Variants in SCEL observed in about 807,000 individuals in gnomAD.
SCEL encodes sciellin.
In SCEL, 113 loss-of-function variants were observed where a neutral mutation model predicts 117.6. The ratio of observed to expected loss-of-function variants is 0.96; its 90% CI spans 0.83 to 1.12. SCEL has a LOEUF of 1.12. SCEL is among the 50% of genes most tolerant of loss of function. The pLI is 0.00. For missense variants in SCEL, 785 were observed against 810.8 expected (o/e 0.97, Z 0.39); for synonymous variants, 270 against 256.2 (o/e 1.05, Z -0.51).
chr13:77,607,259 C>T (rs1412880398), intron 19 of SCEL, among the ~76,000 whole-genome samples: 1 of 152,142 alleles, frequency 6.6e-6, no homozygotes, highest in African/African-American at 2.4e-5. Flanking sequence ...CTATGTTGCC[C>T]AGTCTGGCCT....
chr13:77,552,413 T>A (rs1223387335), intron 1 of SCEL, among the ~76,000 whole-genome samples: 2 of 152,118 alleles, frequency 1.3e-5, no homozygotes, highest in African/African-American at 4.8e-5. Context: ...GGTATCTCAT[T>A]GTGGTTTTGA....
intron 27 of SCEL, 50 bp downstream of exon 27, chr13:77,618,110 A>G (rs763398492): frequency 7.0e-7 from 1 of 1,422,254 alleles, no homozygotes; most frequent in Admixed American, 1.7e-5. Context: ...TAGGGTAGGA[A>G]CTTCTCCCTC....
chr13:77,607,343 G>A (rs1181634423), intron 19 of SCEL, among the ~76,000 whole-genome samples: 1 of 152,170 alleles, frequency 6.6e-6, no homozygotes, highest in African/African-American at 2.4e-5. Context: ...GAGCCACCAT[G>A]CCCAGCCAGA....
At chr13:77,548,636 G>A (rs570709577) in intron 1 of SCEL, among the ~76,000 whole-genome samples, 1 of 152,364 alleles carries the variant, frequency 6.6e-6, no homozygotes, top group African/African-American at 2.4e-5. Flanking sequence ...CGTGTCGTGG[G>A]AGGGACCTGG....
intron 9 of SCEL, among the ~76,000 whole-genome samples, chr13:77,572,816 C>T (rs1052644301): frequency 1.3e-5 from 2 of 152,136 alleles, no homozygotes; most frequent in African/African-American, 2.4e-5. Context: ...AGCAAGGTCA[C>T]ATTCTGAGGA....
chr13:77,590,923 T>C (rs989322522), intron 10 of SCEL, among the ~76,000 whole-genome samples: 4 of 152,088 alleles, frequency 2.6e-5, no homozygotes, highest in African/African-American at 9.6e-5. Flanking sequence ...GTCAGCTTAG[T>C]ATGGTCATTC....
rs2087991536 is a variant in SCEL, at chr13:77,604,676, A to G, written c.1157+261A>G. 2.0e-5 allele frequency among the ~76,000 whole-genome samples: 3 copies of G among 152,196 alleles called. No individual in the cohort carries two copies. In the South Asian group the frequency reaches 6.2e-4, roughly 32 times the overall value. ...TGGGCTGACCTTCTCTACTGAACTA[A>G]ATGATTTATTTCTTTGTATGCTAGT... is the stretch of plus-strand genomic sequence containing the variant. On this transcript the variant is annotated intron_variant, in intron 19 of 32. Coordinates refer to ENST00000349847, the MANE Select transcript of SCEL (RefSeq NM_144777.3).
chr13:77,563,800 T>A (rs1196773991), intron 4 of SCEL, 31 bp from the exon 5 acceptor site: 1 of 1,531,412 alleles, frequency 6.5e-7, no homozygotes, highest in Non-Finnish European at 8.8e-7. Flanking sequence ...TGATTTGATT[T>A]TTTTTTTTTT....
intron 19 of SCEL, chr13:77,606,483 G>C (rs2088200250): frequency 6.6e-6 from 1 of 152,086 alleles, no homozygotes; most frequent in South Asian, 2.1e-4. Context: ...TTACCGTTTT[G>C]TTATTTTTTT....
intron 31 of SCEL, 62 bp from the exon 32 acceptor site, chr13:77,642,644 T>G (rs2090611797): frequency 1.0e-6 from 1 of 1,004,440 alleles, no homozygotes; most frequent in Non-Finnish European, 1.5e-6. Context: ...ATGATGTCTG[T>G]TCCTCTAATA....
intron 19 of SCEL, among the ~76,000 whole-genome samples, chr13:77,605,049 A>G (rs2154402118): frequency 6.6e-6 from 1 of 152,306 alleles, no homozygotes; most frequent in Admixed American, 6.5e-5. Context: ...TGAGTTGTCA[A>G]GTAAGTCTGG....
At chr13:77,614,019 A>T (rs1219583847) in intron 24 of SCEL, 64 bp downstream of exon 24, 1 of 1,273,164 alleles carries the variant, frequency 7.9e-7, no homozygotes, top group East Asian at 2.3e-5. Context: ...AATAGAAATG[A>T]TTTAGAATTA....
intron 4 of SCEL, among the ~76,000 whole-genome samples, chr13:77,562,061 A>G (rs2085012614): frequency 6.6e-6 from 1 of 152,242 alleles, no homozygotes; most frequent in African/African-American, 2.4e-5. Context: ...AACATGTCAA[A>G]TAAGGATGAC....
chr13:77,573,223 C>T (rs1056524886), intron 9 of SCEL, among the ~76,000 whole-genome samples: 4 of 152,010 alleles, frequency 2.6e-5, no homozygotes, highest in Non-Finnish European at 5.9e-5. Flanking sequence ...GTGAACAAAA[C>T]ATGGAGCCTA....
chr13:77,601,376 C>T (rs2087674287), intron 15 of SCEL, among the ~76,000 whole-genome samples: 2 of 151,844 alleles, frequency 1.3e-5, no homozygotes, highest in Non-Finnish European at 2.9e-5. Flanking sequence ...TTTCTTCTTC[C>T]CTTCCTTCTT....
At chr13:77,545,210 C>CT (rs1325776951) in intron 1 of SCEL, among the ~76,000 whole-genome samples, 3 of 152,166 alleles carry the variant, frequency 2.0e-5, no homozygotes, top group Non-Finnish European at 4.4e-5. Context: ...AGAGTTTCAT[C>CT]TTTTTTGTGA....
chr13:77,621,902 C>T (rs192903881), intron 27 of SCEL, among the ~76,000 whole-genome samples: 41 of 152,248 alleles, frequency 2.7e-4, no homozygotes, highest in African/African-American at 8.9e-4. Context: ...AATTCTTGGT[C>T]GCATCTTATT....
At chr13:77,558,439 A>G (rs1258289109) in intron 3 of SCEL, among the ~76,000 whole-genome samples, 1 of 152,134 alleles carries the variant, frequency 6.6e-6, no homozygotes, top group Non-Finnish European at 1.5e-5. Flanking sequence ...TTGAGAATGT[A>G]TATTTGCTGG....
intron 19 of SCEL, among the ~76,000 whole-genome samples, chr13:77,604,979 T>G (rs1482320309): frequency 6.6e-6 from 1 of 152,092 alleles, no homozygotes; most frequent in South Asian, 2.1e-4. Flanking sequence ...TGTATGTGCA[T>G]GTAGTGTGGT....
Sources: allele counts gnomAD v4.1 joint callset (sites outside exome capture counted in the v4.1 genomes callset), GRCh38; gene constraint gnomAD v4.1.1; transcripts MANE v1.5; gene names NCBI Gene and HGNC (gene_info 2026-07-23, HGNC 2026-07-21).